The following SCAPER variants were observed in gnomAD, a reference collection of about 807,000 sequenced individuals.
The protein encoded by SCAPER is S-phase cyclin A associated protein in the ER, also known as S phase cyclin A-associated protein in the endoplasmic reticulum.
SCAPER carries 98 observed loss-of-function variants against 182.2 expected under a neutral mutation model. The ratio of observed to expected loss-of-function variants is 0.54; its 90% CI spans 0.46 to 0.64. The LOEUF (loss-of-function observed/expected upper bound fraction) is 0.64. Ranked by LOEUF, SCAPER falls within the 30% of genes least tolerant of loss-of-function variation. SCAPER has a pLI of 0.00. For missense variants in SCAPER, 1,432 were observed against 1,690.0 expected (o/e 0.85, Z 2.68); for synonymous variants, 605 against 564.6 (o/e 1.07, Z -1.01).
chr15:76,453,173 A>T (rs959569182), intron 25 of SCAPER, among the ~76,000 whole-genome samples: 3 of 152,204 alleles, frequency 2.0e-5, no homozygotes, highest in African/African-American at 7.2e-5. Context: ...GGATACTCAC[A>T]TGATGCCCCA....
At chr15:76,542,237 C>T (rs1213105060) in intron 23 of SCAPER, among the ~76,000 whole-genome samples, 1 of 152,042 alleles carries the variant, frequency 6.6e-6, no homozygotes, top group Admixed American at 6.6e-5. Context: ...GAATCCACAA[C>T]TCTGGCTGGG....
chr15:76,795,360 G>C lies in SCAPER; in HGVS notation c.692C>G (p.Thr231Arg). ...TATTTCTGAAGAAGCAGTAGAGCCT[G>C]TATGATGAGCCTTTACCTTGTCAGC... is the stretch of plus-strand genomic sequence containing the variant. Reference protein sequence around the residue: ...SWADKVKAHHTGSTASSEITP... With the variant: ...SWADKVKAHHRGSTASSEITP... The change falls in exon 8 of 32, where the codon ACA becomes AGA. Residue 231 changes from threonine to arginine, a missense_variant. By Grantham distance (71) the Thr-to-Arg change is moderately conservative. Transcript: ENST00000563290. The C allele has an allele frequency of 6.2e-7, 1 of 1,613,400 alleles. No homozygotes were observed. The highest frequency in any genetic ancestry group is 8.5e-7 in the Non-Finnish European group (1 of 1,179,466).
Position 76,347,948 on chromosome 15 carries a change from C to A in SCAPER, c.*685G>T, listed in dbSNP as rs1307972115. 6.6e-6 allele frequency: 1 copy of A among 152,188 alleles called. No individual in the cohort carries two copies. The highest frequency in any genetic ancestry group is 1.5e-5 in the Non-Finnish European group (1 of 68,036). The allele number at this position is 152,188 out of a possible 1,614,324, so 9.4% of individuals were successfully genotyped here. A position where few individuals can be genotyped will look rare whatever the true frequency, so the allele number is the denominator to read the frequency against. On this transcript the variant is annotated 3_prime_UTR_variant, in exon 32 of 32. Coordinates refer to ENST00000563290, the MANE Select transcript of SCAPER (RefSeq NM_020843.4). ...ATTTCAGCGTTGCTTCATTTCACAA[C>A]CATGTGAGAAAATACTCTAGGGTGA...
intron 8 of SCAPER, among the ~76,000 whole-genome samples, chr15:76,783,248 C>G (rs1236211221): frequency 6.6e-6 from 1 of 152,130 alleles, no homozygotes; most frequent in Non-Finnish European, 1.5e-5. Context: ...GAGAATACTA[C>G]AAACACCTCT....
intron 22 of SCAPER, among the ~76,000 whole-genome samples, chr15:76,576,583 C>A (rs1040739604): frequency 6.6e-6 from 1 of 152,026 alleles, no homozygotes; most frequent in Non-Finnish European, 1.5e-5. Flanking sequence ...TAATAAGAAC[C>A]GAAAGTTGTG....
intron 23 of SCAPER, among the ~76,000 whole-genome samples, chr15:76,545,902 C>G (rs745644980): frequency 3.3e-5 from 5 of 152,068 alleles, no homozygotes; most frequent in Non-Finnish European, 7.4e-5. Flanking sequence ...GGATGAAACT[C>G]CATAAGGCAA....
intron 23 of SCAPER, among the ~76,000 whole-genome samples, chr15:76,557,909 T>G (rs574347304): frequency 6.6e-6 from 1 of 152,230 alleles, no homozygotes; most frequent in Non-Finnish European, 1.5e-5. Context: ...AAAGGATTCC[T>G]GTGCAATAAA....
At chr15:76,564,652 T>C (rs947827556) in intron 23 of SCAPER, among the ~76,000 whole-genome samples, 1 of 151,858 alleles carries the variant, frequency 6.6e-6, no homozygotes, top group African/African-American at 2.4e-5. Context: ...TTCACAGAAC[T>C]AAAAAAAGAA....
intron 31 of SCAPER, chr15:76,350,139 T>C (rs2040435852): frequency 6.6e-6 from 1 of 152,218 alleles, no homozygotes; most frequent in African/African-American, 2.4e-5. Context: ...AAAAGGGCTG[T>C]GACTGGGTCA....
intron 27 of SCAPER, among the ~76,000 whole-genome samples, chr15:76,389,734 C>T (rs1281962546): frequency 4.2e-5 from 6 of 143,730 alleles, no homozygotes; most frequent in African/African-American, 7.7e-5. Context: ...AGGAGAATGG[C>T]GTGAACCCAG....
intron 21 of SCAPER, among the ~76,000 whole-genome samples, chr15:76,630,229 T>C (rs111307291): frequency 4.7e-4 from 72 of 152,248 alleles, no homozygotes; most frequent in African/African-American, 1.6e-3. Flanking sequence ...ATCTACTTTA[T>C]CCATTTTTTC....
At chr15:76,774,310 T>C in intron 9 of SCAPER, 1 of 324,672 alleles carries the variant, frequency 3.1e-6, no homozygotes, top group Non-Finnish European at 5.8e-6. Flanking sequence ...ATTAATGTCA[T>C]GAAAGACAAA....
chr15:76,852,298 A>C (rs566913984), intron 4 of SCAPER, among the ~76,000 whole-genome samples: 20 of 152,296 alleles, frequency 1.3e-4, no homozygotes, highest in Non-Finnish European at 2.2e-4. Flanking sequence ...AAAATTAACA[A>C]GGATATTCAG....
At chr15:76,681,533 G>A (rs1196026032) in intron 20 of SCAPER, among the ~76,000 whole-genome samples, 1 of 152,188 alleles carries the variant, frequency 6.6e-6, no homozygotes, top group Non-Finnish European at 1.5e-5. Context: ...GGCATACTCT[G>A]AGTAGACTGT....
intron 22 of SCAPER, among the ~76,000 whole-genome samples, 160 bp from the exon 23 acceptor site, chr15:76,574,444 T>C (rs965818): frequency 0.33 from 50,049 of 152,022 alleles, 8,486 homozygotes; most frequent in East Asian, 0.55. Flanking sequence ...ATAAAGCTAG[T>C]GTTATTTTAT....
chr15:76,364,260 T>C (rs2041658404), intron 29 of SCAPER, among the ~76,000 whole-genome samples: 4 of 151,940 alleles, frequency 2.6e-5, no homozygotes, highest in Admixed American at 2.0e-4. Flanking sequence ...TGGCAGACCA[T>C]GTGGGAAGTA....
intron 25 of SCAPER, among the ~76,000 whole-genome samples, chr15:76,469,461 T>C (rs987699818): frequency 1.3e-5 from 2 of 152,328 alleles, no homozygotes; most frequent in South Asian, 4.1e-4. Context: ...CAGACTATTC[T>C]ATAGATCTTA....
chr15:76,637,742 ATGTGTGTGTGTGTGTGTG>A (rs55726181), intron 21 of SCAPER, among the ~76,000 whole-genome samples: 1,448 of 105,824 alleles, frequency 0.014, 63 homozygotes, highest in African/African-American at 0.032. Flanking sequence ...ATATATATAT[ATGTGTGTGTGTGTGTGTG>A]TGTGTGTGTG....
In SCAPER at chr15:76,800,253, A is replaced by C. The variant is rs774862131; in HGVS notation, c.606T>G (p.Asn202Lys). Reference sequence around the variant, plus strand: ...TTTTTCTTAGTTCATCTCACCCAAAATTTAAGCTTCGTCGAGCATTTGATG... The same window carrying C: ...TTTTTCTTAGTTCATCTCACCCAAACTTTAAGCTTCGTCGAGCATTTGATG... ...NVTSNARRSL[N>K]FGGSTGTVPA... Residue 202 changes from asparagine (N) to lysine (K), a missense_variant, in exon 7 of 32, where the codon AAT becomes AAG. This residue lies in a region of SCAPER where 480 missense variants were observed against 510.2 expected (regional missense o/e 0.94). Coordinates refer to ENST00000563290, the MANE Select transcript of SCAPER (RefSeq NM_020843.4). The C allele has an allele frequency of 1.2e-6, 2 of 1,601,864 alleles. No individual in the cohort carries two copies. Among genetic ancestry groups the C allele is most frequent in the Non-Finnish European group, 1.7e-6 (2 of 1,170,818 alleles).
Sources: gnomAD v4.1 joint callset for allele counts (sites outside exome capture counted in the v4.1 genomes callset) on GRCh38, gnomAD v4.1.1 for gene constraint, gnomAD v4.1.1 regional missense constraint, MANE v1.5 for transcripts, NCBI Gene and HGNC (gene_info 2026-07-23, HGNC 2026-07-21) for gene names.